Variants in ANXA2 observed in about 807,000 individuals in gnomAD.
ANXA2 encodes the protein annexin A2.
In ANXA2, 28 loss-of-function variants were observed where a neutral mutation model predicts 47.3. The observed-to-expected ratio is 0.59, with a 90% confidence interval of 0.44 to 0.81. ANXA2 has a LOEUF of 0.81. ANXA2 is among the 40% of genes least tolerant of loss of function. The pLI is 0.00. For missense variants in ANXA2, 384 were observed against 414.3 expected (o/e 0.93, Z 0.64); for synonymous variants, 172 against 155.5 (o/e 1.11, Z -0.79).
chr15:60,352,550 A>T lies in ANXA2; in HGVS notation c.589-74T>A. On this transcript the variant is annotated intron_variant, in intron 8 of 12. Transcript: ENST00000451270. This position sits in a 1 kb window ranked among gnomAD's most constrained non-coding sequence, Gnocchi z 4.2. The stretch of plus-strand genomic sequence containing the variant: ...GTCAAAAAAAATGTCATGCAAAAAA[A>T]ACAAAAAAAGCTACACATTCAAAAT... 9.0e-7 allele frequency: 1 copy of T among 1,116,498 alleles called. No individual in the cohort carries two copies. Among genetic ancestry groups the T allele is most frequent in the Non-Finnish European group, 1.3e-6 (1 of 752,286 alleles). 69.2% of individuals were successfully genotyped at this position (1,116,498 alleles called of 1,614,324 possible). A position where few individuals can be genotyped will look rare whatever the true frequency, so the allele number is the denominator to read the frequency against.
At chr15:60,370,115 A>G (rs1384418156) in intron 3 of ANXA2, among the ~76,000 whole-genome samples, 1 of 152,222 alleles carries the variant, frequency 6.6e-6, no homozygotes, top group Non-Finnish European at 1.5e-5. Flanking sequence ...TAAAGGAATC[A>G]AAATGTATTT....
chr15:60,374,389 G>T, intron 3 of ANXA2: 1 of 451,624 alleles, frequency 2.2e-6, no homozygotes, highest in South Asian at 1.6e-5. Flanking sequence ...CAGCCTCATG[G>T]GACAGAAAAT....
intron 4 of ANXA2, chr15:60,361,346 G>C: frequency 2.7e-6 from 1 of 365,600 alleles, no homozygotes; most frequent in South Asian, 2.8e-5. Context: ...AGCTGTGAGA[G>C]TGCAGGCACT....
intron 3 of ANXA2, among the ~76,000 whole-genome samples, chr15:60,368,316 A>AAAAT (rs57187491): frequency 0.54 from 61,697 of 113,280 alleles, 13,914 homozygotes; most frequent in Middle Eastern, 0.6. Flanking sequence ...AATAAAAAAA[A>AAAAT]AAAATAAAAT....
chr15:60,359,211 G>C (rs1392175904), intron 5 of ANXA2, among the ~76,000 whole-genome samples: 1 of 152,076 alleles, frequency 6.6e-6, no homozygotes, highest in African/African-American at 2.4e-5. Flanking sequence ...CCTTCCATTG[G>C]GCCCAATTAC....
At chr15:60,356,349 GCACACA>G (rs141256072) in intron 6 of ANXA2, among the ~76,000 whole-genome samples, 1 of 150,714 alleles carries the variant, frequency 6.6e-6, no homozygotes, top group South Asian at 2.1e-4. Context: ...GTCTACACAC[GCACACA>G]CACACACACA....
At chr15:60,371,219 C>T (rs2062706149) in intron 3 of ANXA2, among the ~76,000 whole-genome samples, 1 of 152,212 alleles carries the variant, frequency 6.6e-6, no homozygotes, top group Non-Finnish European at 1.5e-5. Flanking sequence ...GGATCGTGGG[C>T]ACCCCCAGAG....
intron 3 of ANXA2, among the ~76,000 whole-genome samples, chr15:60,371,446 C>T (rs1199162077): frequency 6.6e-6 from 1 of 152,202 alleles, no homozygotes; most frequent in Non-Finnish European, 1.5e-5. Context: ...GTTTCCTCCT[C>T]CTCTCTGCGG....
chr15:60,377,405 C>T (rs1366610050), intron 3 of ANXA2, among the ~76,000 whole-genome samples: 1 of 152,084 alleles, frequency 6.6e-6, no homozygotes, highest in African/African-American at 2.4e-5. Context: ...ACAGAATATA[C>T]TGAAAGCCCA....
intron 1 of ANXA2, chr15:60,391,078 T>G (rs1193759626): frequency 6.6e-6 from 1 of 152,232 alleles, no homozygotes; most frequent in African/African-American, 2.4e-5. Context: ...CTTATAAAAC[T>G]GTGAAATGCA....
In ANXA2 at chr15:60,352,974, T is replaced by G. The variant is rs898568488; in HGVS notation, c.589-498A>C. Among the ~76,000 whole-genome samples the G allele has an allele frequency of 6.6e-6, 1 of 152,092 alleles. No homozygotes were observed. The highest frequency in any genetic ancestry group is 1.5e-5 in the Non-Finnish European group (1 of 68,002). On this transcript the variant is annotated intron_variant, in intron 8 of 12. Transcript: ENST00000451270. This position sits in a 1 kb window ranked among gnomAD's most constrained non-coding sequence, Gnocchi z 4.2. ...TTCTGGAAAATTTAGGGGCTACAAG[T>G]AGCCCTAACAATGGCAGGGAGGGCA...
At chr15:60,372,631 G>A (rs1355496623) in intron 3 of ANXA2, among the ~76,000 whole-genome samples, 3 of 151,640 alleles carry the variant, frequency 2.0e-5, no homozygotes, top group Admixed American at 2.0e-4. Context: ...TAACCCCAAA[G>A]GTTGTGGCTT....
chr15:60,378,096 C>T (rs371479163), intron 3 of ANXA2, among the ~76,000 whole-genome samples: 78 of 151,750 alleles, frequency 5.1e-4, no homozygotes, highest in African/African-American at 1.8e-3. Flanking sequence ...AGTGAGACTC[C>T]GCCTCAAAAA....
intron 1 of ANXA2, chr15:60,395,918 T>C (rs1321526729): frequency 2.0e-5 from 3 of 152,214 alleles, no homozygotes; most frequent in Non-Finnish European, 2.9e-5. Context: ...CTTTAGATAA[T>C]CGACAGACTT....
At chr15:60,356,029 T>C in intron 6 of ANXA2, 31 bp from the exon 7 acceptor site, 1 of 1,563,874 alleles carries the variant, frequency 6.4e-7, no homozygotes, top group Non-Finnish European at 8.8e-7. Context: ...GTTTTATGCT[T>C]TCTGCCTGTG....
chr15:60,362,538 C>T (rs1423286375), intron 4 of ANXA2: 1 of 152,224 alleles, frequency 6.6e-6, no homozygotes, highest in Non-Finnish European at 1.5e-5. Flanking sequence ...CTCTGCCAGC[C>T]GGGCCTAGGT....
At chr15:60,389,838 G>A (rs1346385918) in intron 1 of ANXA2, among the ~76,000 whole-genome samples, 1 of 152,134 alleles carries the variant, frequency 6.6e-6, no homozygotes, top group Admixed American at 6.6e-5. Flanking sequence ...CACTACTTCA[G>A]TATCTGCTCC....
chr15:60,392,591 A>T (rs920299546), intron 1 of ANXA2, among the ~76,000 whole-genome samples: 3 of 152,260 alleles, frequency 2.0e-5, no homozygotes, highest in Admixed American at 2.0e-4. Context: ...TCAAATAGTA[A>T]AAACACATTC....
At position 60,351,226 on chromosome 15, in the gene ANXA2, C is replaced by T. The variant is rs1193325358; in HGVS notation, c.804G>A (p.Leu268=). 1.2e-6 allele frequency: 2 copies of T among 1,614,206 alleles called. No homozygotes were observed. Among genetic ancestry groups the T allele is most frequent in the Non-Finnish European group, 1.7e-6 (2 of 1,180,038 alleles). Residue 268 remains leucine (L), a synonymous_variant, in exon 11 of 13, where the codon CTG becomes CTA. Transcript: ENST00000451270. ...AGTCATACAGCCGATCAGCAAAATACAGGGGCTTGTTCTGAATGCACTGAA... is the reference window on the plus strand; with the variant it reads ...AGTCATACAGCCGATCAGCAAAATATAGGGGCTTGTTCTGAATGCACTGAA... ...NLVQCIQNKP[L]YFADRLYDSM...
Sources: allele counts gnomAD v4.1 joint callset (sites outside exome capture counted in the v4.1 genomes callset), GRCh38; gene constraint gnomAD v4.1.1; non-coding constraint Gnocchi (gnomAD v3.1); transcripts MANE v1.5; gene names NCBI Gene and HGNC (gene_info 2026-07-23, HGNC 2026-07-21).